Variants in RBFOX1 observed in about 807,000 individuals in gnomAD.
The protein encoded by RBFOX1 is RNA binding fox-1 homolog 1.
A neutral mutation model predicts 57.7 loss-of-function variants in RBFOX1; 8 were observed. The observed-to-expected ratio is 0.14, with a 90% confidence interval of 0.08 to 0.25. The LOEUF is 0.25. RBFOX1 is among the 10% of genes least tolerant of loss of function. The pLI, the probability that RBFOX1 is intolerant of heterozygous loss-of-function variation, is 1.00. For synonymous variants in RBFOX1, 326 were observed against 222.4 expected (o/e 1.47, Z -4.15); for missense variants, 611 against 548.5 (o/e 1.11, Z -1.14).
At chr16:6,225,654 C>G (rs1189762520) in intron 1 of RBFOX1, among the ~76,000 whole-genome samples, 2 of 152,112 alleles carry the variant, frequency 1.3e-5, no homozygotes, top group Admixed American at 6.5e-5. Context: ...ATAACTCCAC[C>G]AAATTTGCAT....
At chr16:6,365,622 A>C (rs1316254891) in intron 2 of RBFOX1, among the ~76,000 whole-genome samples, 4 of 152,188 alleles carry the variant, frequency 2.6e-5, no homozygotes, top group Non-Finnish European at 4.4e-5. Context: ...TTAAGACCAT[A>C]AGGATGAGAC....
intron 3 of RBFOX1, among the ~76,000 whole-genome samples, chr16:6,944,409 AAAAAAAGAAAG>A (rs1177747535): frequency 6.6e-6 from 1 of 151,578 alleles, no homozygotes; most frequent in African/African-American, 2.4e-5. Context: ...AAAAAAAAAA[AAAAAAAGAAAG>A]AAAAGAAAAA....
At chr16:7,547,402 C>T (rs1351291648) in intron 5 of RBFOX1, among the ~76,000 whole-genome samples, 1 of 152,162 alleles carries the variant, frequency 6.6e-6, no homozygotes, top group African/African-American at 2.4e-5. Flanking sequence ...ATTAAGTGAG[C>T]ACCTTGCCTT....
intron 2 of RBFOX1, among the ~76,000 whole-genome samples, chr16:6,565,499 C>T (rs536716642): frequency 7.9e-5 from 12 of 151,782 alleles, no homozygotes; most frequent in Admixed American, 3.9e-4. Context: ...CCTCGTGATC[C>T]ACCTGCTTCG....
chr16:7,048,419 C>T (rs1333078144), intron 3 of RBFOX1, among the ~76,000 whole-genome samples: 3 of 151,970 alleles, frequency 2.0e-5, no homozygotes, highest in Non-Finnish European at 4.4e-5. Context: ...GTCGCCACAC[C>T]CAGCTAATTT....
intron 1 of RBFOX1, among the ~76,000 whole-genome samples, chr16:6,255,765 C>T (rs368372094): frequency 1.3e-5 from 2 of 151,926 alleles, no homozygotes; most frequent in Non-Finnish European, 2.9e-5. Context: ...AGCTGGAAAC[C>T]GTCGTTCTCA....
chr16:7,229,343 C>G (rs770328981), intron 4 of RBFOX1, among the ~76,000 whole-genome samples: 1 of 152,148 alleles, frequency 6.6e-6, no homozygotes, highest in Non-Finnish European at 1.5e-5. Context: ...AACTGCTCGG[C>G]TTTCCTTACA....
At chr16:5,968,226 C>T (rs1287338876) in intron 4 of RBFOX1, among the ~76,000 whole-genome samples, 2 of 152,094 alleles carry the variant, frequency 1.3e-5, no homozygotes, top group African/African-American at 4.8e-5. Context: ...GGGCATGTAC[C>T]ACCATGCCCG....
At chr16:7,538,913 G>T (rs1216579629) in intron 5 of RBFOX1, among the ~76,000 whole-genome samples, 1 of 148,370 alleles carries the variant, frequency 6.7e-6, no homozygotes, top group African/African-American at 2.5e-5. Context: ...TCACAGCATG[G>T]AGTTCTATGG....
intron 4 of RBFOX1, among the ~76,000 whole-genome samples, chr16:5,870,225 G>T (rs1357180569): frequency 6.6e-6 from 1 of 151,108 alleles, no homozygotes; most frequent in Non-Finnish European, 1.5e-5. Context: ...ACCTCTGGGA[G>T]GCGTTGGCTG....
At chr16:5,324,717 A>T (rs1391409979) in intron 1 of RBFOX1, among the ~76,000 whole-genome samples, 1 of 152,174 alleles carries the variant, frequency 6.6e-6, no homozygotes, top group Non-Finnish European at 1.5e-5. Flanking sequence ...TAGAAAACCA[A>T]ATACCACTTG....
At chr16:5,678,060 G>A (rs946446258) in intron 3 of RBFOX1, among the ~76,000 whole-genome samples, 9 of 152,174 alleles carry the variant, frequency 5.9e-5, no homozygotes, top group African/African-American at 2.2e-4. Context: ...TCACTATTGT[G>A]TTGGTGTCGA....
chr16:6,899,597 C>G (rs1346152543), intron 3 of RBFOX1, among the ~76,000 whole-genome samples: 1 of 152,182 alleles, frequency 6.6e-6, no homozygotes, highest in Non-Finnish European at 1.5e-5. Context: ...AGCACAGCTC[C>G]AGAATGCTGT....
intron 3 of RBFOX1, among the ~76,000 whole-genome samples, chr16:5,856,187 C>CTATATATATATATATATATATATATA (rs1200113050): frequency 6.4e-5 from 2 of 31,068 alleles, no homozygotes; most frequent in Non-Finnish European, 1.1e-4. Context: ...CTCTCTCTCT[C>CTATATATATATATATATATATATATA]TATATATATA....
chr16:6,024,131 A>T lies in RBFOX1; in HGVS notation c.-127+4139A>T, dbSNP rs576230400. Among the ~76,000 whole-genome samples, 15 of 152,336 alleles carry T rather than the reference A, an allele frequency of 9.8e-5. No homozygotes were observed. In the East Asian group the frequency reaches 2.9e-3, roughly 29 times the overall value. ...TGGTTTGTCATTGTTCGCTAGTCAA[A>T]GAGACATGGGTGACTGTGGCCTGCT... On this transcript the variant is annotated intron_variant, in intron 1 of 15. Transcript: ENST00000550418.
At chr16:5,448,726 G>C (rs1362863825) in intron 1 of RBFOX1, among the ~76,000 whole-genome samples, 1 of 152,192 alleles carries the variant, frequency 6.6e-6, no homozygotes, top group African/African-American at 2.4e-5. Flanking sequence ...TAACTTGCTG[G>C]TAATAAATTA....
Position 7,451,821 on chromosome 16 carries a change from C to T in RBFOX1, c.28-66326C>T, listed in dbSNP as rs149501352. On this transcript the variant is annotated intron_variant, in intron 4 of 15. Transcript: ENST00000550418. ...ACCACTGGCCAGCCCTCCTTCTCAC[C>T]TCCCAGTTCCCTAATCTAATTTATC... 1.7e-3 allele frequency among the ~76,000 whole-genome samples: 259 copies of T among 152,170 alleles called. 1 individual carries two copies. Among genetic ancestry groups the T allele is most frequent in the African/African-American group, 5.8e-3 (240 of 41,516 alleles).
At chr16:5,581,434 A>T (rs1312210874) in intron 2 of RBFOX1, among the ~76,000 whole-genome samples, 1 of 152,192 alleles carries the variant, frequency 6.6e-6, no homozygotes, top group African/African-American at 2.4e-5. Flanking sequence ...TCCAGTGGCA[A>T]CCTTGGAACA....
intron 3 of RBFOX1, among the ~76,000 whole-genome samples, chr16:6,880,431 C>A (rs1048514618): frequency 4.6e-5 from 7 of 152,188 alleles, no homozygotes; most frequent in African/African-American, 1.7e-4. Flanking sequence ...CAGGTGCAGC[C>A]AATCAGGGTT....
Sources: allele counts gnomAD v4.1 joint callset (sites outside exome capture counted in the v4.1 genomes callset), GRCh38; gene constraint gnomAD v4.1.1; transcripts MANE v1.5; gene names NCBI Gene and HGNC (gene_info 2026-07-23, HGNC 2026-07-21).